Variants in CSMD3 observed in about 807,000 individuals in gnomAD.
CSMD3 encodes the protein CUB and sushi domain-containing protein 3.
CSMD3 carries 177 observed loss-of-function variants against 435.2 expected under a neutral mutation model. That is an observed-to-expected ratio of 0.41 (90% CI 0.36 to 0.46). CSMD3 has a LOEUF of 0.46. Ranked by LOEUF, CSMD3 falls within the 20% of genes least tolerant of loss-of-function variation. CSMD3 has a pLI of 0.34. For missense variants in CSMD3, 4,265 were observed against 4,504.6 expected (o/e 0.95, Z 1.52); for synonymous variants, 1,656 against 1,520.5 (o/e 1.09, Z -2.07).
chr8:113,299,825 C>G (rs60717210), intron 2 of CSMD3, among the ~76,000 whole-genome samples: 1 of 152,156 alleles, frequency 6.6e-6, no homozygotes, highest in East Asian at 1.9e-4. Flanking sequence ...TGAAACCCCT[C>G]TCTACTAAAA....
intron 13 of CSMD3, among the ~76,000 whole-genome samples, chr8:112,743,506 A>G (rs988602066): frequency 6.6e-6 from 1 of 151,888 alleles, no homozygotes; most frequent in Non-Finnish European, 1.5e-5. Flanking sequence ...ATAACATCTC[A>G]GCCATCGGGA....
chr8:113,156,804 G>T, intron 4 of CSMD3, among the ~76,000 whole-genome samples: 1 of 151,360 alleles, frequency 6.6e-6, no homozygotes, highest in African/African-American at 2.4e-5. Flanking sequence ...GGTGGCACAT[G>T]CCCATAGTCC....
At chr8:112,926,788 A>G (rs542587092) in intron 9 of CSMD3, among the ~76,000 whole-genome samples, 1 of 151,796 alleles carries the variant, frequency 6.6e-6, no homozygotes, top group Admixed American at 6.6e-5. Context: ...AGAGGATCTA[A>G]AAAAAAAGCA....
intron 6 of CSMD3, among the ~76,000 whole-genome samples, chr8:113,001,828 A>T (rs2085875047): frequency 6.6e-6 from 1 of 152,050 alleles, no homozygotes; most frequent in African/African-American, 2.4e-5. Context: ...GTATCTAAGA[A>T]CCTATTGGAA....
chr8:112,312,793 A>C (rs2130823842), intron 49 of CSMD3, among the ~76,000 whole-genome samples: 1 of 152,274 alleles, frequency 6.6e-6, no homozygotes, highest in South Asian at 2.1e-4. Flanking sequence ...TGTAGTTGTA[A>C]ATTTGTATAA....
At chr8:113,285,844 C>G (rs960962430) in intron 2 of CSMD3, among the ~76,000 whole-genome samples, 1 of 152,152 alleles carries the variant, frequency 6.6e-6, no homozygotes, top group Admixed American at 6.5e-5. Context: ...TAAACTCATA[C>G]TAATGAATAA....
intron 41 of CSMD3, among the ~76,000 whole-genome samples, chr8:112,344,130 C>A (rs1011524193): frequency 1.3e-5 from 2 of 152,134 alleles, no homozygotes; most frequent in African/African-American, 4.8e-5. Context: ...GATCTGCCCG[C>A]ATCAGCCTCC....
intron 32 of CSMD3, among the ~76,000 whole-genome samples, chr8:112,434,500 T>C (rs370133496): frequency 1.3e-5 from 2 of 152,256 alleles, no homozygotes; most frequent in East Asian, 3.9e-4. Flanking sequence ...AACTCTTCAG[T>C]ACTTATAATC....
At chr8:113,191,231 T>C (rs2092580457) in intron 3 of CSMD3, among the ~76,000 whole-genome samples, 1 of 151,808 alleles carries the variant, frequency 6.6e-6, no homozygotes, top group African/African-American at 2.4e-5. Context: ...TTTCTATGGG[T>C]ATAGAAATGT....
chr8:113,276,011 A>G (rs1006815272), intron 3 of CSMD3, among the ~76,000 whole-genome samples: 2 of 152,072 alleles, frequency 1.3e-5, no homozygotes, highest in African/African-American at 4.8e-5. Context: ...TTGTAATTCC[A>G]AGATAAGATT....
chr8:112,724,707 G>A (rs1262348645), intron 13 of CSMD3, among the ~76,000 whole-genome samples: 1 of 152,014 alleles, frequency 6.6e-6, no homozygotes, highest in African/African-American at 2.4e-5. Flanking sequence ...TACATATGTG[G>A]CATTTAAAAT....
At chr8:113,279,945 T>G (rs2093601239) in intron 2 of CSMD3, among the ~76,000 whole-genome samples, 1 of 151,960 alleles carries the variant, frequency 6.6e-6, no homozygotes, top group African/African-American at 2.4e-5. Context: ...TGTTTTTAAT[T>G]CTATTTATGT....
chr8:112,986,663 T>C (rs2085265635), intron 6 of CSMD3, among the ~76,000 whole-genome samples: 1 of 152,092 alleles, frequency 6.6e-6, no homozygotes, highest in South Asian at 2.1e-4. Context: ...TCCATAGATT[T>C]ACATATAAAA....
intron 38 of CSMD3, among the ~76,000 whole-genome samples, chr8:112,373,869 T>C (rs1285941560): frequency 1.3e-5 from 2 of 152,172 alleles, no homozygotes; most frequent in Non-Finnish European, 2.9e-5. Flanking sequence ...AGTGTGCAAC[T>C]GAGTGAATGG....
chr8:112,843,994 C>T (rs993139417), intron 11 of CSMD3, among the ~76,000 whole-genome samples: 7 of 151,882 alleles, frequency 4.6e-5, no homozygotes, highest in African/African-American at 1.7e-4. Flanking sequence ...ATTCTTATTT[C>T]ATTTAATAAA....
chr8:113,229,989 C>T (rs540742895), intron 3 of CSMD3, among the ~76,000 whole-genome samples: 1 of 151,722 alleles, frequency 6.6e-6, no homozygotes, highest in Admixed American at 6.6e-5. Flanking sequence ...ACTGTGTTTA[C>T]CATGTCCAGT....
chr8:113,397,144 A>G (rs900729683), intron 1 of CSMD3, among the ~76,000 whole-genome samples: 5 of 152,202 alleles, frequency 3.3e-5, no homozygotes, highest in Non-Finnish European at 5.9e-5. Context: ...TTGGTATGAT[A>G]ACACACTATG....
At chr8:112,661,036 A>C (rs574470241) in intron 17 of CSMD3, among the ~76,000 whole-genome samples, 44 of 152,162 alleles carry the variant, frequency 2.9e-4, no homozygotes, top group Non-Finnish European at 6.2e-4. Flanking sequence ...TGATCTACGC[A>C]CAAGACTGAT....
chr8:112,808,182 AG>A (rs910320781), intron 12 of CSMD3, among the ~76,000 whole-genome samples: 3 of 152,196 alleles, frequency 2.0e-5, no homozygotes, highest in Admixed American at 6.5e-5. Flanking sequence ...GTCTACAAAA[AG>A]TAAGATATTT....
Sources: allele counts gnomAD v4.1 joint callset (sites outside exome capture counted in the v4.1 genomes callset), GRCh38; gene constraint gnomAD v4.1.1; transcripts MANE v1.5; gene names NCBI Gene and HGNC (gene_info 2026-07-23, HGNC 2026-07-21).